TMTC2: variants seen among roughly 807,000 people sequenced by gnomAD.
TMTC2 encodes the protein transmembrane O-mannosyltransferase targeting cadherins 2.
Under a neutral mutation model 82.4 loss-of-function variants are expected in TMTC2, and 43 were observed. The observed-to-expected ratio is 0.52, with a 90% CI of 0.41 to 0.67. The LOEUF (loss-of-function observed/expected upper bound fraction) is 0.67, where lower values mean the gene tolerates loss of function less well. TMTC2 is among the 30% of genes least tolerant of loss of function. TMTC2 has a pLI of 0.00. For missense variants in TMTC2, 919 were observed against 1,012.4 expected (o/e 0.91, Z 1.25); for synonymous variants, 408 against 381.9 (o/e 1.07, Z -0.80).
chr12:83,021,940 G>C (rs10862548), intron 8 of TMTC2: 89,927 of 151,910 alleles, frequency 0.59, 27,147 homozygotes, highest in South Asian at 0.73. Context: ...ACAGAGATTT[G>C]ATGGCTCTTG....
chr12:82,734,816 C>T (rs1875002920), intron 1 of TMTC2, among the ~76,000 whole-genome samples: 1 of 152,166 alleles, frequency 6.6e-6, no homozygotes, highest in Admixed American at 6.5e-5. Flanking sequence ...TTACTGAGAA[C>T]TTGTGTTGGG....
Position 83,040,771 on chromosome 12 carries a change from G to T in TMTC2, c.2152+9892G>T, listed in dbSNP as rs891931168. 3.4e-5 allele frequency among the ~76,000 whole-genome samples: 5 copies of T among 145,800 alleles called. No individual in the cohort carries two copies. The East Asian group carries it at 1.1e-3, about 31-fold the overall frequency. The stretch of plus-strand genomic sequence containing the variant: ...CACTATCTCTGCTCACGCAAGCTCT[G>T]CCTCCCGGGTTCATGCCATTCTCCT... On this transcript the variant is annotated intron_variant, in intron 9 of 11. Coordinates refer to ENST00000321196, the MANE Select transcript of TMTC2 (RefSeq NM_152588.3).
chr12:82,956,468 G>C (rs1019216995), intron 4 of TMTC2, among the ~76,000 whole-genome samples: 9 of 152,148 alleles, frequency 5.9e-5, no homozygotes, highest in Non-Finnish European at 7.4e-5. Flanking sequence ...TCATTTATTT[G>C]TTTGAGACAG....
chr12:82,699,333 C>G (rs922023305), intron 1 of TMTC2, among the ~76,000 whole-genome samples: 1 of 152,162 alleles, frequency 6.6e-6, no homozygotes, highest in African/African-American at 2.4e-5. Context: ...TCATTGTACA[C>G]GAAGGCTTAT....
intron 1 of TMTC2, among the ~76,000 whole-genome samples, chr12:82,802,152 G>A (rs1009182325): frequency 6.6e-6 from 1 of 152,152 alleles, no homozygotes; most frequent in Non-Finnish European, 1.5e-5. Flanking sequence ...TGCAGGTCCC[G>A]AGCCCTGCCC....
At chr12:83,121,899 C>A (rs565872242) in intron 11 of TMTC2, among the ~76,000 whole-genome samples, 1 of 152,150 alleles carries the variant, frequency 6.6e-6, no homozygotes, top group South Asian at 2.1e-4. Flanking sequence ...TATGATTGTC[C>A]CTGCTGTGTC....
At chr12:82,767,337 C>G (rs1342167700) in intron 1 of TMTC2, among the ~76,000 whole-genome samples, 1 of 152,194 alleles carries the variant, frequency 6.6e-6, no homozygotes, top group African/African-American at 2.4e-5. Context: ...GTAATCCCAG[C>G]ACTTTGAGAG....
At chr12:82,865,500 A>G (rs1027402600) in intron 2 of TMTC2, among the ~76,000 whole-genome samples, 3 of 152,120 alleles carry the variant, frequency 2.0e-5, no homozygotes, top group African/African-American at 4.8e-5. Flanking sequence ...GGAGCACCCA[A>G]ATTCATAAAG....
chr12:82,920,014 G>A (rs562451020), intron 3 of TMTC2, among the ~76,000 whole-genome samples: 8 of 152,222 alleles, frequency 5.3e-5, no homozygotes, highest in African/African-American at 1.4e-4. Flanking sequence ...TTCCAAAGCT[G>A]CTTCCATATT....
intron 8 of TMTC2, among the ~76,000 whole-genome samples, chr12:83,024,951 G>A (rs561255338): frequency 6.6e-6 from 1 of 152,302 alleles, no homozygotes; most frequent in South Asian, 2.1e-4. Flanking sequence ...CACCACTTTG[G>A]GAGGCCACGG....
intron 9 of TMTC2, among the ~76,000 whole-genome samples, chr12:83,044,019 G>A (rs1241462742): frequency 6.6e-6 from 1 of 152,184 alleles, no homozygotes; most frequent in Non-Finnish European, 1.5e-5. Flanking sequence ...GAGCCACCAT[G>A]TTGCTCAAAT....
chr12:83,090,427 T>C (rs1359402017), intron 11 of TMTC2, among the ~76,000 whole-genome samples: 1 of 152,216 alleles, frequency 6.6e-6, no homozygotes, highest in Non-Finnish European at 1.5e-5. Flanking sequence ...TTGTTATGCA[T>C]TGAGAGTCAT....
At chr12:82,735,349 AT>A (rs66550396) in intron 1 of TMTC2, among the ~76,000 whole-genome samples, 5 of 143,838 alleles carry the variant, frequency 3.5e-5, no homozygotes, top group Admixed American at 6.9e-5. Context: ...ATTAATTTTG[AT>A]TTTTTTTTTT....
chr12:83,042,104 T>C (rs2137441660), intron 9 of TMTC2, among the ~76,000 whole-genome samples: 1 of 152,334 alleles, frequency 6.6e-6, no homozygotes, highest in South Asian at 2.1e-4. Context: ...TGTGCTTTGC[T>C]TGACACATCT....
chr12:82,687,128 T>A lies in TMTC2; in HGVS notation c.-459T>A. The A allele has an allele frequency of 6.0e-6, 1 of 165,574 alleles. No homozygotes were observed. The highest frequency in any genetic ancestry group is 1.3e-5 in the Non-Finnish European group (1 of 75,754). The allele number at this position is 165,574 out of a possible 1,614,324, so 10.3% of individuals were successfully genotyped here. A position where few individuals can be genotyped will look rare whatever the true frequency, so the allele number is the denominator to read the frequency against. On this transcript the variant is annotated 5_prime_UTR_variant, in exon 1 of 12. Coordinates refer to ENST00000321196, the MANE Select transcript of TMTC2 (RefSeq NM_152588.3). ...TCGCCTTGTCCCTCCCACCCGCGCC[T>A]CTTTCTCTCTCTTCCTCCAGCTGGT...
chr12:83,010,013 G>A (rs1040563632), intron 8 of TMTC2, among the ~76,000 whole-genome samples: 1 of 152,142 alleles, frequency 6.6e-6, no homozygotes, highest in Non-Finnish European at 1.5e-5. Context: ...ATGGGGAGCA[G>A]CTGTAAATAC....
intron 11 of TMTC2, among the ~76,000 whole-genome samples, chr12:83,083,528 T>A (rs987637064): frequency 6.6e-6 from 1 of 152,172 alleles, no homozygotes; most frequent in East Asian, 1.9e-4. Context: ...GCCTCCCCTC[T>A]CTAGAACATG....
chr12:82,851,681 C>G (rs1420494826), intron 1 of TMTC2, among the ~76,000 whole-genome samples: 1 of 152,096 alleles, frequency 6.6e-6, no homozygotes, highest in Non-Finnish European at 1.5e-5. Flanking sequence ...TTAACAAAGG[C>G]CAGTCTTTTT....
chr12:82,974,499 T>A (rs2137318150), intron 7 of TMTC2, among the ~76,000 whole-genome samples: 1 of 152,240 alleles, frequency 6.6e-6, no homozygotes, highest in East Asian at 1.9e-4. Flanking sequence ...AAGGATACAA[T>A]CTTGAAAATC....
Sources: gnomAD v4.1 joint callset for allele counts (sites outside exome capture counted in the v4.1 genomes callset) on GRCh38, gnomAD v4.1.1 for gene constraint, MANE v1.5 for transcripts, NCBI Gene and HGNC (gene_info 2026-07-23, HGNC 2026-07-21) for gene names.